GRID2: variants seen among roughly 807,000 people sequenced by gnomAD.
GRID2 encodes the protein glutamate ionotropic receptor delta type subunit 2.
GRID2 carries 33 observed loss-of-function variants against 114.8 expected under a neutral mutation model. That is an observed-to-expected ratio of 0.29 (90% CI 0.22 to 0.38). The LOEUF is 0.38. Among genes scored for constraint, GRID2 ranks in the 10% least tolerant of loss-of-function variants. The pLI is 1.00. For missense variants in GRID2, 1,184 were observed against 1,257.7 expected (o/e 0.94, Z 0.89); for synonymous variants, 505 against 449.9 (o/e 1.12, Z -1.55).
At chr4:93,228,846 G>A (rs1471005798) in intron 7 of GRID2, among the ~76,000 whole-genome samples, 2 of 152,176 alleles carry the variant, frequency 1.3e-5, no homozygotes, top group African/African-American at 4.8e-5. Context: ...AAACACTTTA[G>A]TGAGAGGATC....
intron 1 of GRID2, among the ~76,000 whole-genome samples, chr4:93,801,742 G>T (rs7693709): frequency 6.6e-6 from 1 of 151,942 alleles, no homozygotes; most frequent in African/African-American, 2.4e-5. Flanking sequence ...AACACCATGC[G>T]TTATTGAAAA....
chr4:92,638,292 T>C (rs956569410), intron 2 of GRID2, among the ~76,000 whole-genome samples: 4 of 151,640 alleles, frequency 2.6e-5, no homozygotes, highest in African/African-American at 7.3e-5. Flanking sequence ...GAACAAACTC[T>C]GTAACCAGAA....
chr4:93,304,697 A>T (rs1240176638), intron 8 of GRID2, among the ~76,000 whole-genome samples: 1 of 152,198 alleles, frequency 6.6e-6, no homozygotes, highest in East Asian at 1.9e-4. Context: ...ACCAGTAGAA[A>T]AAAAAATTAA....
chr4:92,712,007 T>C (rs983095028), intron 2 of GRID2, among the ~76,000 whole-genome samples: 3 of 152,110 alleles, frequency 2.0e-5, no homozygotes, highest in South Asian at 4.2e-4. Flanking sequence ...CTGCAAATAC[T>C]CTTTTCTTAT....
chr4:92,717,952 A>G (rs1450081991), intron 2 of GRID2, among the ~76,000 whole-genome samples: 2 of 152,142 alleles, frequency 1.3e-5, no homozygotes, highest in East Asian at 3.8e-4. Flanking sequence ...TTAACATTAA[A>G]TTTTTATAGA....
intron 2 of GRID2, among the ~76,000 whole-genome samples, chr4:93,063,191 A>G (rs1171301841): frequency 6.6e-6 from 1 of 151,922 alleles, no homozygotes; most frequent in African/African-American, 2.4e-5. Flanking sequence ...AAGCATTTGC[A>G]GTTTAGAATT....
At chr4:93,713,417 C>G (rs1404164883) in intron 14 of GRID2, among the ~76,000 whole-genome samples, 2 of 151,454 alleles carry the variant, frequency 1.3e-5, no homozygotes. Flanking sequence ...TGACAGAGAT[C>G]TTAAATGTGG....
At chr4:93,630,471 A>T (rs1336959926) in intron 14 of GRID2, among the ~76,000 whole-genome samples, 1 of 152,206 alleles carries the variant, frequency 6.6e-6, no homozygotes, top group Non-Finnish European at 1.5e-5. Flanking sequence ...ACCAAAAAGT[A>T]TGAGCTCAAG....
At chr4:92,657,668 A>C (rs1490105559) in intron 2 of GRID2, among the ~76,000 whole-genome samples, 1 of 151,854 alleles carries the variant, frequency 6.6e-6, no homozygotes, top group African/African-American at 2.4e-5. Context: ...AATTAAAAAA[A>C]CACTAATAAA....
intron 8 of GRID2, among the ~76,000 whole-genome samples, chr4:93,367,451 G>T (rs1196778098): frequency 6.6e-6 from 1 of 151,924 alleles, no homozygotes; most frequent in East Asian, 1.9e-4. Context: ...AATTAATTTT[G>T]TTGATTGAAT....
rs143676806 is a variant in GRID2 at position 93,316,990 on chromosome 4, G to A, written c.1245+78500G>A. ...AGAAACCAGACCATAACTAAGAAGG[G>A]ATTTAGGTATGAGAAGTCTAAAGCT... is the stretch of plus-strand genomic sequence containing the variant. On this transcript the variant is annotated intron_variant, in intron 8 of 15. Transcript: ENST00000282020. 6.8e-3 allele frequency among the ~76,000 whole-genome samples: 1,030 copies of A among 152,150 alleles called. 17 individuals are homozygous for A. The highest frequency in any genetic ancestry group is 0.024 in the African/African-American group (983 of 41,520).
chr4:93,280,673 T>TGTTATCTG (rs1218135667), intron 8 of GRID2, among the ~76,000 whole-genome samples: 1 of 152,010 alleles, frequency 6.6e-6, no homozygotes, highest in Non-Finnish European at 1.5e-5. Context: ...GGAGGATTTT[T>TGTTATCTG]GTTATCTGGT....
chr4:93,048,331 C>T lies in GRID2; in HGVS notation c.245-36664C>T, dbSNP rs993941011. Among the ~76,000 whole-genome samples, 5 of 152,154 alleles carry T rather than the reference C, an allele frequency of 3.3e-5. No individual in the cohort carries two copies. The East Asian group carries it at 9.7e-4, about 30-fold the overall frequency. On this transcript the variant is annotated intron_variant, in intron 2 of 15. Transcript: ENST00000282020. ...TTTTCAGCTCTTTTCTGCTTTATAGCATACCTATGCCTTTCTAATTTCTTT... is the reference window on the plus strand; with the variant it reads ...TTTTCAGCTCTTTTCTGCTTTATAGTATACCTATGCCTTTCTAATTTCTTT...
chr4:92,361,695 A>G (rs1319807884), intron 1 of GRID2, among the ~76,000 whole-genome samples: 3 of 151,984 alleles, frequency 2.0e-5, no homozygotes, highest in Non-Finnish European at 4.4e-5. Context: ...AAGTTTGCCC[A>G]TCTGTTGTAA....
chr4:93,026,355 A>G (rs532024105), intron 2 of GRID2, among the ~76,000 whole-genome samples: 1 of 152,020 alleles, frequency 6.6e-6, no homozygotes, highest in East Asian at 1.9e-4. Flanking sequence ...AAACCTATGC[A>G]TCACCAGGGA....
chr4:92,734,319 C>T (rs1736483359), intron 2 of GRID2, among the ~76,000 whole-genome samples: 1 of 151,688 alleles, frequency 6.6e-6, no homozygotes, highest in Middle Eastern at 3.4e-3. Context: ...TAGGGTCTTG[C>T]TCTATCACCC....
chr4:92,363,618 A>C (rs2110205302), intron 1 of GRID2, among the ~76,000 whole-genome samples: 1 of 152,102 alleles, frequency 6.6e-6, no homozygotes, highest in South Asian at 2.1e-4. Context: ...CCTATCTTTG[A>C]ATATGCTATT....
intron 1 of GRID2, among the ~76,000 whole-genome samples, chr4:92,512,444 T>C (rs182799037): frequency 6.6e-5 from 10 of 151,984 alleles, no homozygotes; most frequent in Admixed American, 5.3e-4. Context: ...GTAAGCTTTC[T>C]CTATGTCTGT....
chr4:93,243,292 TG>T (rs1747760411), intron 8 of GRID2, among the ~76,000 whole-genome samples: 1 of 152,088 alleles, frequency 6.6e-6, no homozygotes, highest in South Asian at 2.1e-4. Context: ...ATTTTATAAA[TG>T]GGGCAGTTCC....
Sources: gnomAD v4.1 joint callset for allele counts (sites outside exome capture counted in the v4.1 genomes callset) on GRCh38, gnomAD v4.1.1 for gene constraint, MANE v1.5 for transcripts, NCBI Gene and HGNC (gene_info 2026-07-23, HGNC 2026-07-21) for gene names.